Variants in INTS13 observed in about 807,000 individuals in gnomAD.
INTS13 encodes the protein integrator complex subunit 13, also known as asunder, spermatogenesis regulator homolog (Drosphila).
Under a neutral mutation model 90.2 loss-of-function variants are expected in INTS13, and 35 were observed. The ratio of observed to expected loss-of-function variants is 0.39; its 90% CI spans 0.30 to 0.51. The LOEUF (loss-of-function observed/expected upper bound fraction) is 0.51. INTS13 is among the 20% of genes least tolerant of loss of function. The pLI is 0.80. For missense variants in INTS13, 601 were observed against 851.2 expected, an observed-to-expected ratio of 0.71 and a Z score of 3.66; for synonymous variants, 309 against 277.1, an observed-to-expected ratio of 1.11 and a Z score of -1.14.
chr12:26,928,927 T>C, intron 3 of INTS13, 22 bp from the exon 4 acceptor site: 21 of 1,606,018 alleles, frequency 1.3e-5, no homozygotes, highest in Non-Finnish European at 1.8e-5. Context: ...GGAAAACAAT[T>C]ATGTTGACAA....
At chr12:26,909,688 C>T (rs929965540) in intron 15 of INTS13, among the ~76,000 whole-genome samples, 2 of 152,128 alleles carry the variant, frequency 1.3e-5, no homozygotes, top group African/African-American at 4.8e-5. Flanking sequence ...TATCAAAAAA[C>T]ATCTATTTAA....
At chr12:26,906,207 A>T in intron 16 of INTS13, 95 bp downstream of exon 16, 1 of 1,186,652 alleles carries the variant, frequency 8.4e-7, no homozygotes, top group Non-Finnish European at 1.2e-6. Context: ...TAATATTAGT[A>T]ATAAAAAACT....
rs758881171 is a variant in INTS13 at position 26,917,413 on chromosome 12, C to A, written c.1008G>T (p.Arg336=). The A allele has an allele frequency of 1.3e-6, 2 of 1,570,830 alleles. No homozygotes were observed. Among genetic ancestry groups the A allele is most frequent in the Admixed American group, 3.6e-5 (2 of 55,650 alleles). ...IELHYCTGAY[R]ISPVDVNSRP... ...TACTATTTACATCTACAGGTGAAAT[C>A]CGATAAGCTCCAGTACAATAGTGTA... The change falls in exon 10 of 17, where the codon CGG becomes CGT. Residue 336 remains arginine, a synonymous_variant. Coordinates refer to ENST00000261191, the MANE Select transcript of INTS13 (RefSeq NM_018164.3).
At chr12:26,909,264 G>A (rs1171426037) in intron 15 of INTS13, among the ~76,000 whole-genome samples, 2 of 152,148 alleles carry the variant, frequency 1.3e-5, no homozygotes, top group Non-Finnish European at 2.9e-5. Context: ...GGGATGCTGA[G>A]GCAGGAGAAT....
chr12:26,932,501 A>T (rs1448673100), intron 3 of INTS13, among the ~76,000 whole-genome samples: 1 of 152,218 alleles, frequency 6.6e-6, no homozygotes, highest in Non-Finnish European at 1.5e-5. Context: ...CATTCTTTGG[A>T]AGAACTGAAA....
intron 16 of INTS13, 33 bp downstream of exon 16, chr12:26,906,269 A>T: frequency 6.3e-7 from 1 of 1,579,238 alleles, no homozygotes; most frequent in Non-Finnish European, 8.6e-7. Flanking sequence ...CAGGCAATTG[A>T]CAAAACCAAT....
At chr12:26,938,123 G>C (rs955616050), upstream of INTS13, 1 of 152,250 alleles carries the variant, frequency 6.6e-6, no homozygotes, top group Admixed American at 6.5e-5. Flanking sequence ...CGGGGCCAAG[G>C]AGGAAAAAAA....
intron 11 of INTS13, among the ~76,000 whole-genome samples, chr12:26,914,818 C>T (rs958449434): frequency 6.6e-6 from 1 of 152,298 alleles, no homozygotes; most frequent in South Asian, 2.1e-4. Flanking sequence ...ATGTTTTCCC[C>T]ACCTTTTGTA....
chr12:26,929,464 T>C (rs530744912), intron 3 of INTS13, among the ~76,000 whole-genome samples: 8 of 151,820 alleles, frequency 5.3e-5, no homozygotes, highest in African/African-American at 1.7e-4. Context: ...CTCATGCCTG[T>C]AATCCCAGTA....
At chr12:26,925,663 C>T (rs1057084671) in intron 6 of INTS13, 98 bp downstream of exon 6, 5 of 1,003,962 alleles carry the variant, frequency 5.0e-6, no homozygotes, top group Admixed American at 5.1e-5. Context: ...ATTTTCTTGG[C>T]AGAAAATATT....
chr12:26,928,377 A>G, intron 4 of INTS13, 92 bp from the exon 5 acceptor site: 1 of 1,014,628 alleles, frequency 9.9e-7, no homozygotes, highest in Non-Finnish European at 1.5e-6. Flanking sequence ...GGTGTTATAG[A>G]CATTTAAAGT....
intron 5 of INTS13, among the ~76,000 whole-genome samples, chr12:26,926,697 G>A (rs548565933): frequency 3.9e-5 from 6 of 152,190 alleles, no homozygotes; most frequent in Non-Finnish European, 7.3e-5. Flanking sequence ...TGACAGGGGT[G>A]CTAGGAGCAT....
At chr12:26,911,349 T>C in intron 14 of INTS13, 32 bp from the exon 15 acceptor site, 1 of 1,574,148 alleles carries the variant, frequency 6.4e-7, no homozygotes, top group Non-Finnish European at 8.6e-7. Flanking sequence ...AAATGTAAAG[T>C]TCAAATTTTT....
chr12:26,927,328 C>A (rs1345322535), intron 5 of INTS13, among the ~76,000 whole-genome samples: 1 of 152,154 alleles, frequency 6.6e-6, no homozygotes, highest in East Asian at 1.9e-4. Flanking sequence ...AATAACTAAT[C>A]TGTGGGGTCT....
At position 26,906,261 on chromosome 12, in the gene INTS13, G is replaced by C. The variant is rs74072633; in HGVS notation, c.2081+41C>G. ...GCAATGATTGTTAAGGTACTATACA[G>C]GCAATTGACAAAACCAATTTTGACA... On this transcript the variant is annotated intron_variant, in intron 16 of 16. Coordinates refer to ENST00000261191, the MANE Select transcript of INTS13 (RefSeq NM_018164.3). The C allele has an allele frequency of 3.5e-3, 5,376 of 1,558,006 alleles. 106 individuals carry two copies. In the African/African-American group the frequency reaches 0.043, roughly 13 times the overall value.
At chr12:26,927,657 C>T (rs1937956267) in intron 5 of INTS13, among the ~76,000 whole-genome samples, 1 of 151,904 alleles carries the variant, frequency 6.6e-6, no homozygotes, top group Non-Finnish European at 1.5e-5. Context: ...GCTCTGTCGC[C>T]CAGGCTGGAG....
intron 5 of INTS13, among the ~76,000 whole-genome samples, chr12:26,926,091 G>C (rs1477840043): frequency 1.3e-5 from 2 of 152,050 alleles, no homozygotes; most frequent in African/African-American, 2.4e-5. Context: ...GTGTCTGAAG[G>C]ATAAAGAGAA....
intron 2 of INTS13, among the ~76,000 whole-genome samples, chr12:26,935,393 G>C (rs1938406226): frequency 6.6e-6 from 1 of 152,138 alleles, no homozygotes; most frequent in Admixed American, 6.5e-5. Flanking sequence ...TCTAATCTAT[G>C]ATCTTTTTCC....
Position 26,914,092 on chromosome 12 carries a change from G to A in INTS13, c.1456C>T (p.Leu486=), listed in dbSNP as rs770369080. 1.2e-6 allele frequency: 2 copies of A among 1,606,730 alleles called. No homozygotes were observed. The highest frequency in any genetic ancestry group is 2.7e-5 in the African/African-American group (2 of 74,600). Residue 486 remains leucine (L), a synonymous_variant, in exon 13 of 17, where the codon CTG becomes TTG. Transcript: ENST00000261191. ...CAGTTTAACACATCTTCTTCTGTCAGAGATTCTTTCACAATAACACTGGCT... is the reference window on the plus strand; with the variant it reads ...CAGTTTAACACATCTTCTTCTGTCAAAGATTCTTTCACAATAACACTGGCT... ...PLASVIVKES[L]TEEDVLNCQK... is the part of the protein sequence containing the mutation.
Sources: gnomAD v4.1 joint callset for allele counts (sites outside exome capture counted in the v4.1 genomes callset) on GRCh38, gnomAD v4.1.1 for gene constraint, MANE v1.5 for transcripts, NCBI Gene and HGNC (gene_info 2026-07-23, HGNC 2026-07-21) for gene names.